GABRA2: variants seen among roughly 807,000 people sequenced by gnomAD.
The protein encoded by GABRA2 is gamma-aminobutyric acid receptor subunit alpha-2.
In GABRA2, 16 loss-of-function variants were observed where a neutral mutation model predicts 48.7. The ratio of observed to expected loss-of-function variants is 0.33; its 90% CI spans 0.22 to 0.50. The LOEUF is 0.50. Ranked by LOEUF, GABRA2 falls within the 20% of genes least tolerant of loss-of-function variation. GABRA2 has a pLI of 0.98. For missense variants in GABRA2, 275 were observed against 535.6 expected (o/e 0.51, Z 4.80); for synonymous variants, 185 against 184.5 (o/e 1.00, Z -0.02).
chr4:46,344,348 G>A (rs1046289664), intron 3 of GABRA2, among the ~76,000 whole-genome samples: 3 of 151,890 alleles, frequency 2.0e-5, no homozygotes, highest in African/African-American at 7.3e-5. Flanking sequence ...TGGAATATTT[G>A]CTTGATTTAG....
At chr4:46,366,471 T>C (rs1432434514) in intron 3 of GABRA2, 1 of 152,106 alleles carries the variant, frequency 6.6e-6, no homozygotes, top group African/African-American at 2.4e-5. Context: ...TTTGTTTGAT[T>C]TGAGGGTGCT....
At chr4:46,387,098 G>A (rs538086976) in intron 2 of GABRA2, among the ~76,000 whole-genome samples, 7 of 152,084 alleles carry the variant, frequency 4.6e-5, no homozygotes, top group Non-Finnish European at 1.0e-4. Flanking sequence ...CCTTTTCATT[G>A]TCTTTTTTTT....
chr4:46,359,324 A>G (rs1168954978), intron 3 of GABRA2, among the ~76,000 whole-genome samples: 1 of 152,130 alleles, frequency 6.6e-6, no homozygotes, highest in Admixed American at 6.5e-5. Flanking sequence ...ATATTCTTAA[A>G]CTAATCTTTA....
chr4:46,270,468 A>C (rs1719110177), intron 8 of GABRA2, among the ~76,000 whole-genome samples: 1 of 151,952 alleles, frequency 6.6e-6, no homozygotes. Flanking sequence ...ATTTTTCTAC[A>C]CTAGTTGGGT....
At chr4:46,350,752 T>C (rs952765059) in intron 3 of GABRA2, among the ~76,000 whole-genome samples, 1 of 151,828 alleles carries the variant, frequency 6.6e-6, no homozygotes, top group Non-Finnish European at 1.5e-5. Context: ...TTAAAAAAAA[T>C]TGAGTGCCTA....
chr4:46,361,270 C>T (rs540016954), intron 3 of GABRA2, among the ~76,000 whole-genome samples: 4 of 151,992 alleles, frequency 2.6e-5, no homozygotes, highest in Admixed American at 6.6e-5. Flanking sequence ...TGGGCCTGGC[C>T]GAGGGTCCCC....
At chr4:46,359,458 A>T (rs2109949862) in intron 3 of GABRA2, among the ~76,000 whole-genome samples, 1 of 152,296 alleles carries the variant, frequency 6.6e-6, no homozygotes, top group East Asian at 1.9e-4. Context: ...AAGACGATGG[A>T]CAAGTACCAT....
intron 4 of GABRA2, among the ~76,000 whole-genome samples, chr4:46,313,230 A>T (rs1360124996): frequency 2.0e-5 from 3 of 151,436 alleles, no homozygotes; most frequent in Admixed American, 1.3e-4. Context: ...TTAAAAAGAA[A>T]AAAACACAAC....
intron 8 of GABRA2, among the ~76,000 whole-genome samples, chr4:46,271,001 A>G (rs1045490179): frequency 6.6e-5 from 10 of 151,928 alleles, no homozygotes; most frequent in African/African-American, 1.9e-4. Context: ...ATATAAAAAA[A>G]AAAAAATACT....
At position 46,245,997 on chromosome 4, in the gene GABRA2, C is replaced by A. The variant is rs889951788; in HGVS notation, c.*4311G>T. 2.7e-5 allele frequency among the ~76,000 whole-genome samples: 4 copies of A among 149,554 alleles called. No homozygotes were observed. Among genetic ancestry groups the A allele is most frequent in the Non-Finnish European group, 5.9e-5 (4 of 67,326 alleles). On this transcript the variant is annotated 3_prime_UTR_variant, in exon 10 of 10. Coordinates refer to ENST00000381620, the MANE Select transcript of GABRA2 (RefSeq NM_000807.4). Reference sequence around the variant, plus strand: ...ATAATTAAGAATTTTAGCAAAAAAACAAAATTATGATATATAATATTTATA... The same window carrying A: ...ATAATTAAGAATTTTAGCAAAAAAAAAAAATTATGATATATAATATTTATA...
intron 8 of GABRA2, among the ~76,000 whole-genome samples, chr4:46,277,144 C>G (rs1161279549): frequency 1.3e-5 from 2 of 152,112 alleles, no homozygotes; most frequent in African/African-American, 4.8e-5. Flanking sequence ...GTCAGGCCAC[C>G]TATATTCCTG....
intron 8 of GABRA2, among the ~76,000 whole-genome samples, chr4:46,274,871 G>T (rs1330346009): frequency 2.0e-5 from 3 of 151,978 alleles, no homozygotes; most frequent in Non-Finnish European, 2.9e-5. Context: ...TCTACAATTA[G>T]ACCCCCAAAT....
In GABRA2 at chr4:46,305,653, T is replaced by C; in HGVS notation, c.618A>G (p.Val206=). 6.2e-7 allele frequency: 1 copy of C among 1,613,410 alleles called. No homozygotes were observed. The highest frequency in any genetic ancestry group is 2.2e-5 in the East Asian group (1 of 44,836). Residue 206 remains valine (V), a synonymous_variant, in exon 7 of 10, where the codon GTA becomes GTG. Coordinates refer to ENST00000381620, the MANE Select transcript of GABRA2 (RefSeq NM_000807.4). ...ACCTAGAGCCATCAGGAGCAACCTG[T>C]ACTGAATCAGATGCATTGTAAGTCC... is the stretch of plus-strand genomic sequence containing the variant. ...YIWTYNASDS[V]QVAPDGSRLN...
intron 3 of GABRA2, among the ~76,000 whole-genome samples, chr4:46,356,897 A>G (rs932874002): frequency 2.6e-5 from 4 of 152,190 alleles, no homozygotes; most frequent in African/African-American, 9.6e-5. Context: ...GATTGGGAAA[A>G]GAAACTGAAC....
At chr4:46,288,764 G>A (rs755898902) in intron 8 of GABRA2, among the ~76,000 whole-genome samples, 9 of 151,942 alleles carry the variant, frequency 5.9e-5, no homozygotes, top group South Asian at 2.1e-4. Flanking sequence ...AACTATCAAC[G>A]GAGTGAAAAG....
intron 8 of GABRA2, among the ~76,000 whole-genome samples, chr4:46,267,379 G>A (rs1034423871): frequency 6.6e-6 from 1 of 151,760 alleles, no homozygotes; most frequent in Non-Finnish European, 1.5e-5. Flanking sequence ...TAGTTCTTTC[G>A]ACAGGGTCTC....
At chr4:46,370,837 G>A (rs1714775381) in intron 3 of GABRA2, among the ~76,000 whole-genome samples, 1 of 151,848 alleles carries the variant, frequency 6.6e-6, no homozygotes, top group Non-Finnish European at 1.5e-5. Flanking sequence ...GAAAAAATTG[G>A]TTTTAGATTT....
At chr4:46,388,548 A>C in intron 2 of GABRA2, 88 bp downstream of exon 2, 1 of 1,490,582 alleles carries the variant, frequency 6.7e-7, no homozygotes, top group Non-Finnish European at 9.2e-7. Context: ...ATTCTTTAAA[A>C]CACCCTTGAT....
At chr4:46,327,911 T>C (rs1163990393) in intron 4 of GABRA2, among the ~76,000 whole-genome samples, 1 of 152,002 alleles carries the variant, frequency 6.6e-6, no homozygotes, top group Non-Finnish European at 1.5e-5. Flanking sequence ...AGACAACCAT[T>C]TGGGCTGAGG....
Sources: gnomAD v4.1 joint callset for allele counts (sites outside exome capture counted in the v4.1 genomes callset) on GRCh38, gnomAD v4.1.1 for gene constraint, MANE v1.5 for transcripts, NCBI Gene and HGNC (gene_info 2026-07-23, HGNC 2026-07-21) for gene names.